The following COX6B1 variants were observed in gnomAD, a reference collection of about 807,000 sequenced individuals.
The protein encoded by COX6B1 is COX VIb-1.
A neutral mutation model predicts 14.0 loss-of-function variants in COX6B1; 2 were observed. The observed-to-expected ratio is 0.14, with a 90% confidence interval of 0.06 to 0.45. The LOEUF (loss-of-function observed/expected upper bound fraction) is 0.45. COX6B1 is among the 20% of genes least tolerant of loss of function. COX6B1 has a pLI of 0.98. For missense variants in COX6B1, 81 were observed against 114.2 expected (o/e 0.71, Z 1.33); for synonymous variants, 30 against 39.7 (o/e 0.76, Z 0.92).
chr19:35,648,618 C>G (rs1425909490), intron 1 of COX6B1: 1 of 344,728 alleles, frequency 2.9e-6, no homozygotes, highest in African/African-American at 2.2e-5. Context: ...ATTTATTTAA[C>G]TCTCCCACCA....
chr19:35,651,334 T>A lies in COX6B1; in HGVS notation c.91T>A (p.Trp31Arg). Residue 31 changes from tryptophan to arginine, a missense_variant, in exon 2 of 4, where the codon TGG (tryptophan) becomes AGG (arginine). Trp to Arg is a moderately radical substitution (Grantham distance 101, BLOSUM62 -3). Coordinates refer to ENST00000649813, the MANE Select transcript of COX6B1 (RefSeq NM_001863.5). The stretch of plus-strand genomic sequence containing the variant: ...CAACCAGAACCAGACTAGAAACTGC[T>A]GGCAGAACTACCTGGGTAAGCAGGA... ...FPNQNQTRNC[W>R]QNYLDFHRCQ... 1.2e-6 allele frequency: 2 copies of A among 1,613,818 alleles called. No homozygotes were observed. The highest frequency in any genetic ancestry group is 1.7e-6 in the Non-Finnish European group (2 of 1,179,760).
At chr19:35,650,988 G>A (rs905925162) in intron 1 of COX6B1, among the ~76,000 whole-genome samples, 1 of 152,186 alleles carries the variant, frequency 6.6e-6, no homozygotes, top group African/African-American at 2.4e-5. Context: ...CTCAGTGAGT[G>A]TTAGCTCATG....
At chr19:35,656,861 T>A (rs1795204181) in intron 3 of COX6B1, among the ~76,000 whole-genome samples, 1 of 152,172 alleles carries the variant, frequency 6.6e-6, no homozygotes, top group South Asian at 2.1e-4. Context: ...ATCCTCATTT[T>A]ACAAAATTGG....
At chr19:35,649,768 C>T (rs986676679) in intron 1 of COX6B1, among the ~76,000 whole-genome samples, 3 of 151,956 alleles carry the variant, frequency 2.0e-5, no homozygotes, top group African/African-American at 7.3e-5. Flanking sequence ...GCGTGAGCCA[C>T]CTCTTCCGGC....
chr19:35,651,697 G>A (rs1378249914), intron 2 of COX6B1, among the ~76,000 whole-genome samples: 1 of 151,686 alleles, frequency 6.6e-6, no homozygotes, highest in Non-Finnish European at 1.5e-5. Flanking sequence ...TCAGCCTCTC[G>A]AGTAGCTGGG....
intron 1 of COX6B1, among the ~76,000 whole-genome samples, chr19:35,649,269 C>T (rs1412952072): frequency 6.6e-6 from 1 of 152,122 alleles, no homozygotes; most frequent in Non-Finnish European, 1.5e-5. Context: ...CTCGGTAGTA[C>T]TAGCAGCAGC....
rs986602536 is a variant in COX6B1 at position 35,658,705 on chromosome 19, G to C, written c.*58G>C. 7 of 1,490,832 alleles carry C rather than the reference G, an allele frequency of 4.7e-6. No individual in the cohort carries two copies. Among genetic ancestry groups the C allele is most frequent in the African/African-American group, 1.4e-5 (1 of 72,368 alleles). 92.4% of individuals were successfully genotyped at this position (1,490,832 alleles called of 1,614,324 possible). A position where few individuals can be genotyped will look rare whatever the true frequency, so the allele number is the denominator to read the frequency against. On this transcript the variant is annotated 3_prime_UTR_variant, in exon 4 of 4. Coordinates refer to ENST00000649813, the MANE Select transcript of COX6B1 (RefSeq NM_001863.5). ...TCCTTCTCCCAGGATGGTGAAGGGG[G>C]ACCTGGTACCCAGTGATCCCCACCC...
At chr19:35,654,043 A>G (rs537060857) in intron 2 of COX6B1, among the ~76,000 whole-genome samples, 18 of 152,338 alleles carry the variant, frequency 1.2e-4, no homozygotes, top group African/African-American at 3.8e-4. Flanking sequence ...AACTTTATAC[A>G]TACTGTGTGT....
chr19:35,648,926 T>A (rs1967791151), intron 1 of COX6B1: 2 of 533,182 alleles, frequency 3.8e-6, no homozygotes, highest in Admixed American at 1.9e-5. Flanking sequence ...TCCTTCCTAC[T>A]GCGTCTGTGC....
intron 2 of COX6B1, among the ~76,000 whole-genome samples, chr19:35,653,582 A>ATT (rs1225466966): frequency 9.5e-5 from 11 of 115,390 alleles, no homozygotes; most frequent in African/African-American, 2.6e-4. Flanking sequence ...AATTTTTTGT[A>ATT]TTTTTTTTTT....
At chr19:35,651,087 C>A in intron 1 of COX6B1, 146 bp from the exon 2 acceptor site, 1 of 678,344 alleles carries the variant, frequency 1.5e-6, no homozygotes, top group Admixed American at 2.1e-5. Flanking sequence ...TTCGCCCTGC[C>A]CCTCATCTCT....
chr19:35,653,994 A>G (rs1191624666), intron 2 of COX6B1, among the ~76,000 whole-genome samples: 4 of 151,992 alleles, frequency 2.6e-5, no homozygotes, highest in Non-Finnish European at 5.9e-5. Context: ...CTGAGCCACC[A>G]TGCCCGGCTA....
intron 2 of COX6B1, among the ~76,000 whole-genome samples, chr19:35,653,086 G>T (rs1967847339): frequency 6.7e-6 from 1 of 149,138 alleles, no homozygotes; most frequent in African/African-American, 2.5e-5. Context: ...CTCTGCCTCA[G>T]CCTGCCGAGT....
intron 3 of COX6B1, among the ~76,000 whole-genome samples, chr19:35,654,903 T>C (rs1967870189): frequency 6.6e-6 from 1 of 152,178 alleles, no homozygotes; most frequent in African/African-American, 2.4e-5. Context: ...CTTTGCTAGA[T>C]GTAGCTCACT....
At chr19:35,654,703 C>T (rs771331512) in intron 3 of COX6B1, 32 bp downstream of exon 3, 1 of 1,599,718 alleles carries the variant, frequency 6.3e-7, no homozygotes, top group Non-Finnish European at 8.6e-7. Flanking sequence ...CCTTGGGATG[C>T]TGGGGTGGGG....
At chr19:35,653,145 T>G (rs940046238) in intron 2 of COX6B1, among the ~76,000 whole-genome samples, 27 of 151,668 alleles carry the variant, frequency 1.8e-4, no homozygotes, top group African/African-American at 6.3e-4. Context: ...TTTTTTTTTT[T>G]TGTATTTTTA....
intron 1 of COX6B1, chr19:35,648,692 CG>C (rs1232785788): frequency 2.6e-6 from 1 of 383,974 alleles, no homozygotes; most frequent in Middle Eastern, 9.0e-4. Flanking sequence ...AGATACCAAG[CG>C]ACCTAGCTGA....
intron 1 of COX6B1, among the ~76,000 whole-genome samples, chr19:35,649,980 T>A (rs1967806567): frequency 6.6e-6 from 1 of 151,924 alleles, no homozygotes. Flanking sequence ...AATACTATAT[T>A]CATTCATGAT....
At chr19:35,655,755 G>GTCTCTCTCTCTCTCTC (rs3038413) in intron 3 of COX6B1, among the ~76,000 whole-genome samples, 274 of 146,066 alleles carry the variant, frequency 1.9e-3, no homozygotes, top group South Asian at 5.5e-3. Context: ...CACTGTGCCT[G>GTCTCTCTCTCTCTCTC]TCTCTCTCTC....
Sources: gnomAD v4.1 joint callset for allele counts (sites outside exome capture counted in the v4.1 genomes callset) on GRCh38, gnomAD v4.1.1 for gene constraint, MANE v1.5 for transcripts, NCBI Gene and HGNC (gene_info 2026-07-23, HGNC 2026-07-21) for gene names.